GLT1D1: variants seen among roughly 807,000 people sequenced by gnomAD.
GLT1D1 encodes the protein glycosyltransferase 1 domain containing 1.
GLT1D1 carries 21 observed loss-of-function variants against 28.7 expected under a neutral mutation model. That is an observed-to-expected ratio of 0.73 (90% CI 0.52 to 1.05). The LOEUF (loss-of-function observed/expected upper bound fraction) is 1.05. GLT1D1 is among the 50% of genes least tolerant of loss of function. The pLI, the probability that GLT1D1 is intolerant of heterozygous loss-of-function variation, is 0.00. For synonymous variants in GLT1D1, 147 were observed against 124.8 expected, an observed-to-expected ratio of 1.18 and a Z score of -1.19; for missense variants, 343 against 330.6, an observed-to-expected ratio of 1.04 and a Z score of -0.29.
chr12:128,884,525 A>G (rs149244310), intron 2 of GLT1D1, among the ~76,000 whole-genome samples: 165 of 152,324 alleles, frequency 1.1e-3, no homozygotes, highest in African/African-American at 3.0e-3. Context: ...GAAAATTGCT[A>G]AGAGAGGGGC....
At chr12:128,870,135 T>C (rs994703355) in intron 1 of GLT1D1, among the ~76,000 whole-genome samples, 5 of 152,066 alleles carry the variant, frequency 3.3e-5, no homozygotes, top group Non-Finnish European at 7.4e-5. Flanking sequence ...GGTCTCAAAC[T>C]CCTGACCTCA....
At chr12:128,884,725 C>T (rs930422727) in intron 2 of GLT1D1, among the ~76,000 whole-genome samples, 1 of 151,852 alleles carries the variant, frequency 6.6e-6, no homozygotes, top group African/African-American at 2.4e-5. Flanking sequence ...GAGGCAGGAG[C>T]ATCACTTGAA....
At position 128,916,544 on chromosome 12, in the gene GLT1D1, G is replaced by T. The variant is rs538555615; in HGVS notation, c.375+17257G>T. Among the ~76,000 whole-genome samples the T allele has an allele frequency of 3.3e-5, 5 of 152,248 alleles. No homozygotes were observed. In the South Asian group the frequency reaches 1.0e-3, roughly 32 times the overall value. On this transcript the variant is annotated intron_variant, in intron 4 of 7. Coordinates refer to ENST00000281703, the MANE Select transcript of GLT1D1 (RefSeq NM_144669.3). ...GTAGACAGTCTTTTCAATTTTAGTT[G>T]TTCTAGGGAGATAATGAAATGGTGT...
chr12:128,962,404 A>G (rs1878058594), intron 7 of GLT1D1, among the ~76,000 whole-genome samples: 1 of 152,266 alleles, frequency 6.6e-6, no homozygotes, highest in Admixed American at 6.5e-5. Context: ...CAGTGCATGG[A>G]TTAGCCTGGG....
At chr12:128,922,192 G>A (rs202032616) in intron 4 of GLT1D1, among the ~76,000 whole-genome samples, 5 of 136,042 alleles carry the variant, frequency 3.7e-5, no homozygotes, top group South Asian at 2.5e-4. Flanking sequence ...GTGTGTGTGT[G>A]TATACACACC....
intron 7 of GLT1D1, among the ~76,000 whole-genome samples, chr12:128,976,894 C>T (rs1879813481): frequency 6.6e-6 from 1 of 152,096 alleles, no homozygotes; most frequent in Non-Finnish European, 1.5e-5. Flanking sequence ...ACCTGTAATC[C>T]CAGCACTTTG....
chr12:128,943,355 CTTTT>C (rs71449377), intron 4 of GLT1D1, among the ~76,000 whole-genome samples: 1 of 144,830 alleles, frequency 6.9e-6, no homozygotes. Flanking sequence ...TCTTTTCTCT[CTTTT>C]TTTTTTTTGG....
intron 1 of GLT1D1, among the ~76,000 whole-genome samples, chr12:128,863,130 G>A (rs1401571939): frequency 6.6e-6 from 1 of 152,164 alleles, no homozygotes; most frequent in Non-Finnish European, 1.5e-5. Context: ...AAGACCCAGA[G>A]ACACGAGAGA....
chr12:128,945,437 C>T, intron 5 of GLT1D1, 68 bp downstream of exon 9: 1 of 1,228,320 alleles, frequency 8.1e-7, no homozygotes, highest in South Asian at 1.2e-5. Flanking sequence ...GTTACCTGAA[C>T]TCACATTTAT....
chr12:128,936,450 G>A lies in GLT1D1; in HGVS notation c.376-8876G>A, dbSNP rs138661416. Among the ~76,000 whole-genome samples the A allele has an allele frequency of 7.2e-3, 1,097 of 152,250 alleles. 17 individuals carry two copies. The highest frequency in any genetic ancestry group is 0.025 in the African/African-American group (1,033 of 41,554). ...ATGACAGGCGTGAGCCACCGCACCC[G>A]GCCATAAAATATCTTTTCATGCTGA... is the stretch of plus-strand genomic sequence containing the variant. On this transcript the variant is annotated intron_variant, in intron 4 of 7. Transcript: ENST00000281703.
intron 4 of GLT1D1, among the ~76,000 whole-genome samples, chr12:128,903,052 C>T (rs1297971885): frequency 1.3e-5 from 2 of 151,286 alleles, no homozygotes; most frequent in African/African-American, 4.9e-5. Context: ...AAATATTTTA[C>T]CTGTGGAAGC....
intron 1 of GLT1D1, among the ~76,000 whole-genome samples, chr12:128,863,276 G>A (rs1186455019): frequency 1.3e-5 from 2 of 152,144 alleles, no homozygotes; most frequent in African/African-American, 4.8e-5. Context: ...ATTCATCTTC[G>A]CCCCTCTGTG....
chr12:128,968,136 C>T (rs1252270508), intron 7 of GLT1D1, among the ~76,000 whole-genome samples: 1 of 152,044 alleles, frequency 6.6e-6, no homozygotes, highest in Non-Finnish European at 1.5e-5. Context: ...GCTAGGACTG[C>T]AGGCGCCTGC....
intron 7 of GLT1D1, among the ~76,000 whole-genome samples, chr12:128,959,273 C>G (rs187724054): frequency 0.01 from 1,525 of 151,460 alleles, 20 homozygotes; most frequent in South Asian, 0.023. Flanking sequence ...TTAAGATTTC[C>G]TACAGCAGAT....
At chr12:128,908,926 G>A (rs779630468) in intron 4 of GLT1D1, among the ~76,000 whole-genome samples, 17 of 152,054 alleles carry the variant, frequency 1.1e-4, no homozygotes, top group Non-Finnish European at 1.9e-4. Flanking sequence ...TCCAGCCTGG[G>A]CGACAGAGCG....
In GLT1D1 at chr12:128,923,587, T is replaced by C. The variant is rs546562744; in HGVS notation, c.376-21739T>C. Among the ~76,000 whole-genome samples the C allele has an allele frequency of 5.3e-5, 8 of 152,006 alleles. No individual in the cohort carries two copies. In the South Asian group the frequency reaches 1.7e-3, roughly 32 times the overall value. On this transcript the variant is annotated intron_variant, in intron 4 of 7. Transcript: ENST00000281703. ...CCCAGGCTGGGAGTGCAGTGCACCA[T>C]CTCTGCTTACTGCAACCTCCGCCTC...
At chr12:128,885,773 C>T (rs1330958387) in intron 2 of GLT1D1, among the ~76,000 whole-genome samples, 1 of 152,222 alleles carries the variant, frequency 6.6e-6, no homozygotes, top group Admixed American at 6.5e-5. Context: ...TTTTAAACAA[C>T]CTCGTTGATA....
intron 2 of GLT1D1, 150 bp downstream of exon 2, chr12:128,876,212 T>G (rs1956867631): frequency 4.4e-6 from 3 of 674,272 alleles, no homozygotes; most frequent in African/African-American, 3.6e-5. Flanking sequence ...GCTTTCTTAA[T>G]GCACAATTTT....
chr12:128,861,084 C>A (rs965323852), intron 1 of GLT1D1, among the ~76,000 whole-genome samples: 41 of 151,448 alleles, frequency 2.7e-4, no homozygotes, highest in Admixed American at 6.6e-4. Context: ...AAGGGTGCCC[C>A]CCGTTATGCT....
Sources: allele counts gnomAD v4.1 joint callset (sites outside exome capture counted in the v4.1 genomes callset), GRCh38; gene constraint gnomAD v4.1.1; transcripts MANE v1.5; gene names NCBI Gene and HGNC (gene_info 2026-07-23, HGNC 2026-07-21).